C1orf50: variants seen among roughly 807,000 people sequenced by gnomAD.
The protein encoded by C1orf50 is uncharacterized protein C1orf50.
In C1orf50, 22 loss-of-function variants were observed where a neutral mutation model predicts 23.3. The observed-to-expected ratio is 0.94, with a 90% CI of 0.67 to 1.35. The LOEUF (loss-of-function observed/expected upper bound fraction) is 1.35, where lower values mean the gene tolerates loss of function less well. C1orf50 is among the 40% of genes most tolerant of loss of function. C1orf50 has a pLI of 0.00. For missense variants in C1orf50, 271 were observed against 249.4 expected (o/e 1.09, Z -0.58); for synonymous variants, 96 against 102.4 (o/e 0.94, Z 0.38).
chr1:42,775,150 A>T, intron 4 of C1orf50, 59 bp from the exon 5 acceptor site: 1 of 1,465,464 alleles, frequency 6.8e-7, no homozygotes, highest in Non-Finnish European at 9.4e-7. Flanking sequence ...TGATTAGGAA[A>T]TGAGCTCAGT....
chr1:42,773,417 G>T (rs113421378), intron 2 of C1orf50, 146 bp from the exon 3 acceptor site: 1 of 541,654 alleles, frequency 1.8e-6, no homozygotes. Context: ...GGCCTCGGAT[G>T]AGTGGGAGGC....
rs774933237 is a variant in C1orf50 at position 42,767,476 on chromosome 1, C to T, written c.80-33C>T. 2.5e-5 allele frequency: 39 copies of T among 1,554,808 alleles called. No individual in the cohort carries two copies. In the African/African-American group the frequency reaches 5.0e-4, roughly 20 times the overall value. Reference sequence around the variant, plus strand: ...CTCCGCGGGAGGCCGACGGCGGGAGCTCACGGCTTGTGTTCCTGGGTGTGT... The same window carrying T: ...CTCCGCGGGAGGCCGACGGCGGGAGTTCACGGCTTGTGTTCCTGGGTGTGT... On this transcript the variant is annotated intron_variant, in intron 1 of 4. Transcript: ENST00000372525.
In C1orf50 at chr1:42,776,970, T is replaced by C. The variant is rs897658259; in HGVS notation, c.*1576T>C. On this transcript the variant is annotated 3_prime_UTR_variant, in exon 5 of 5. Coordinates refer to ENST00000372525, the MANE Select transcript of C1orf50 (RefSeq NM_024097.4). ...GGCACCATTTCATTGAGTCCTCTGCTTCACAGTTTCTCTGAAACCCTGGAA... is the reference window on the plus strand; with the variant it reads ...GGCACCATTTCATTGAGTCCTCTGCCTCACAGTTTCTCTGAAACCCTGGAA... 1.3e-5 allele frequency: 2 copies of C among 152,266 alleles called. No individual in the cohort carries two copies. The highest frequency in any genetic ancestry group is 2.4e-5 in the African/African-American group (1 of 41,468). 9.4% of individuals were successfully genotyped at this position (152,266 alleles called of 1,614,324 possible). A position where few individuals can be genotyped will look rare whatever the true frequency, so the allele number is the denominator to read the frequency against.
chr1:42,768,231 A>G (rs1653129818), intron 2 of C1orf50, among the ~76,000 whole-genome samples: 1 of 152,208 alleles, frequency 6.6e-6, no homozygotes, highest in South Asian at 2.1e-4. Context: ...CTTAAGGCAG[A>G]TTACTTCTCT....
rs998696861 is a variant in C1orf50, at chr1:42,779,479, G to C, written c.*4085G>C. The C allele has an allele frequency of 3.9e-5, 6 of 152,144 alleles. No homozygotes were observed. The highest frequency in any genetic ancestry group is 1.4e-4 in the African/African-American group (6 of 41,426). The allele number at this position is 152,144 out of a possible 1,614,324, so 9.4% of individuals were successfully genotyped here. On this transcript the variant is annotated 3_prime_UTR_variant, in exon 5 of 5. Coordinates refer to ENST00000372525, the MANE Select transcript of C1orf50 (RefSeq NM_024097.4). ...CCATCTTGTTAATAAAATGTCAGAGGGATTAGAGGAAAGACTCTTAGATGA... is the reference window on the plus strand; with the variant it reads ...CCATCTTGTTAATAAAATGTCAGAGCGATTAGAGGAAAGACTCTTAGATGA...
At position 42,777,438 on chromosome 1, in the gene C1orf50, A is replaced by C. The variant is rs1364881590; in HGVS notation, c.*2044A>C. 1 of 152,310 alleles carries C rather than the reference A, an allele frequency of 6.6e-6. No individual in the cohort carries two copies. Among genetic ancestry groups the C allele is most frequent in the Non-Finnish European group, 1.5e-5 (1 of 68,108 alleles). 9.4% of individuals were successfully genotyped at this position (152,310 alleles called of 1,614,324 possible). On this transcript the variant is annotated 3_prime_UTR_variant, in exon 5 of 5. Transcript: ENST00000372525. ...GGTTGCTGGCTTCCGGGGTTCCACT[A>C]GCTGACTGTTGGCTGGAGGTTGCCC...
chr1:42,767,467 C>T, intron 1 of C1orf50, 42 bp from the exon 2 acceptor site: 1 of 1,555,198 alleles, frequency 6.4e-7, no homozygotes, highest in Non-Finnish European at 8.7e-7. Context: ...GGGAGGCCGA[C>T]GGCGGGAGCT....
At chr1:42,768,205 C>G (rs1209794313) in intron 2 of C1orf50, among the ~76,000 whole-genome samples, 1 of 152,222 alleles carries the variant, frequency 6.6e-6, no homozygotes, top group Non-Finnish European at 1.5e-5. Flanking sequence ...ACTTTTGATA[C>G]TAACTTGCAG....
chr1:42,767,854 T>C (rs900455555), intron 2 of C1orf50, among the ~76,000 whole-genome samples: 1 of 152,214 alleles, frequency 6.6e-6, no homozygotes, highest in African/African-American at 2.4e-5. Flanking sequence ...TCTTCCTTCG[T>C]GGGAAGGTTT....
Position 42,767,339 on chromosome 1 carries a change from A to G in C1orf50, c.28A>G (p.Thr10Ala). 6.5e-7 allele frequency: 1 copy of G among 1,532,020 alleles called. No individual in the cohort carries two copies. Among genetic ancestry groups the G allele is most frequent in the Non-Finnish European group, 8.7e-7 (1 of 1,144,544 alleles). The allele number at this position is 1,532,020 out of a possible 1,614,324, so 94.9% of individuals were successfully genotyped here. The change falls in exon 1 of 5, where the codon ACC (threonine) becomes GCC (alanine). Residue 10 changes from threonine (T) to alanine (A), a missense_variant. Transcript: ENST00000372525. ...GGAGGACGCCGCCGCGCCGGGGCGG[A>G]CCGAGGGGGTCCTTGAAAGGCAAGG... Reference protein sequence around the residue: MEDAAAPGRTEGVLERQGAP... With the variant: MEDAAAPGRAEGVLERQGAP...
In C1orf50 at chr1:42,775,444, T is replaced by C. The variant is rs115640157; in HGVS notation, c.*50T>C. ...CACAGGACCTGGCTGTCAACCTCCTTGTTGCCCCCACTGTTGCCTTGAGAA... is the reference window on the plus strand; with the variant it reads ...CACAGGACCTGGCTGTCAACCTCCTCGTTGCCCCCACTGTTGCCTTGAGAA... On this transcript the variant is annotated 3_prime_UTR_variant, in exon 5 of 5. Transcript: ENST00000372525. 78 of 1,493,820 alleles carry C rather than the reference T, an allele frequency of 5.2e-5. No individual in the cohort carries two copies. The African/African-American group carries it at 9.8e-4, about 19-fold the overall frequency. The allele number at this position is 1,493,820 out of a possible 1,614,324, so 92.5% of individuals were successfully genotyped here.
chr1:42,770,390 A>T (rs187519740), intron 2 of C1orf50, among the ~76,000 whole-genome samples: 1 of 151,318 alleles, frequency 6.6e-6, no homozygotes, highest in South Asian at 2.1e-4. Context: ...CTCTAGAAAT[A>T]CCTACTCTCT....
chr1:42,770,769 G>A (rs902538236), intron 2 of C1orf50, among the ~76,000 whole-genome samples: 1 of 152,094 alleles, frequency 6.6e-6, no homozygotes, highest in Non-Finnish European at 1.5e-5. Context: ...CTTTTACCAT[G>A]GGCTACAAGA....
intron 2 of C1orf50, among the ~76,000 whole-genome samples, chr1:42,768,794 C>A (rs1653151995): frequency 6.6e-6 from 1 of 152,004 alleles, no homozygotes; most frequent in Non-Finnish European, 1.5e-5. Context: ...ATTACGATGG[C>A]CTGAACAGAT....
intron 2 of C1orf50, among the ~76,000 whole-genome samples, chr1:42,769,163 G>A (rs1345356977): frequency 1.3e-5 from 2 of 152,040 alleles, no homozygotes; most frequent in African/African-American, 2.4e-5. Flanking sequence ...CATGAGAATC[G>A]CTTGAGCCCA....
rs2124194401 is a variant in C1orf50, at chr1:42,775,822, C to T, written c.*428C>T. The T allele has an allele frequency of 6.7e-6, 1 of 148,328 alleles. No homozygotes were observed. The highest frequency in any genetic ancestry group is 2.2e-4 in the South Asian group (1 of 4,504). The allele number at this position is 148,328 out of a possible 1,614,324, so 9.2% of individuals were successfully genotyped here. ...TTTAACATTGGGGTTGAGGCTGTCT[C>T]ACAGTTGGTGCAACTCCAGTTTAAA... On this transcript the variant is annotated 3_prime_UTR_variant, in exon 5 of 5. Transcript: ENST00000372525.
chr1:42,768,776 T>C (rs1473124534), intron 2 of C1orf50, among the ~76,000 whole-genome samples: 3 of 152,174 alleles, frequency 2.0e-5, no homozygotes, highest in Non-Finnish European at 4.4e-5. Flanking sequence ...TGAATGACTA[T>C]CGTGTTTATT....
rs1653085110 is a variant in C1orf50 at position 42,767,321 on chromosome 1, G to A, written c.10G>A (p.Ala4Thr). 2.0e-6 allele frequency: 3 copies of A among 1,514,842 alleles called. No homozygotes were observed. Among genetic ancestry groups the A allele is most frequent in the South Asian group, 1.3e-5 (1 of 77,622 alleles). The allele number at this position is 1,514,842 out of a possible 1,614,324, so 93.8% of individuals were successfully genotyped here. A position where few individuals can be genotyped will look rare whatever the true frequency, so the allele number is the denominator to read the frequency against. Residue 4 changes from alanine (A) to threonine (T), a missense_variant, in exon 1 of 5, where the codon GCC becomes ACC. Transcript: ENST00000372525. MED[A>T]AAPGRTEGVL... The stretch of plus-strand genomic sequence containing the variant: ...AGGATAAGGCGCTGTCATGGAGGAC[G>A]CCGCCGCGCCGGGGCGGACCGAGGG...
rs1194068072 is a variant in C1orf50, at chr1:42,775,855, T to G, written c.*461T>G. 6.7e-6 allele frequency: 1 copy of G among 149,862 alleles called. No individual in the cohort carries two copies. The highest frequency in any genetic ancestry group is 1.9e-4 in the East Asian group (1 of 5,162). The allele number at this position is 149,862 out of a possible 1,614,324, so 9.3% of individuals were successfully genotyped here. A position where few individuals can be genotyped will look rare whatever the true frequency, so the allele number is the denominator to read the frequency against. On this transcript the variant is annotated 3_prime_UTR_variant, in exon 5 of 5. Transcript: ENST00000372525. ...GTGCAACTCCAGTTTAAAATTCATC[T>G]GGGAACGAGAATGTTGAGTAATGGA... is the stretch of plus-strand genomic sequence containing the variant.
Sources: allele counts gnomAD v4.1 joint callset (sites outside exome capture counted in the v4.1 genomes callset), GRCh38; gene constraint gnomAD v4.1.1; transcripts MANE v1.5; gene names NCBI Gene and HGNC (gene_info 2026-07-23, HGNC 2026-07-21).